The following MRTFB variants were observed in gnomAD, a reference collection of about 807,000 sequenced individuals.
The protein encoded by MRTFB is myocardin related transcription factor B.
Under a neutral mutation model 104.2 loss-of-function variants are expected in MRTFB, and 29 were observed. The observed-to-expected ratio is 0.28, with a 90% CI of 0.21 to 0.38. The LOEUF is 0.38. Among genes scored for constraint, MRTFB ranks in the 10% least tolerant of loss-of-function variants. MRTFB has a pLI of 1.00. For missense variants in MRTFB, 1,270 were observed against 1,341.6 expected (o/e 0.95, Z 0.83); for synonymous variants, 535 against 519.5 (o/e 1.03, Z -0.41).
the MRTFB span, among the ~76,000 whole-genome samples, chr16:14,041,925 T>G: frequency 6.6e-6 from 1 of 151,790 alleles, no homozygotes; most frequent in Admixed American, 6.6e-5. Flanking sequence ...AAACTCTGTC[T>G]CAAAAAAAAT....
the MRTFB span, among the ~76,000 whole-genome samples, chr16:14,026,858 A>G: frequency 7.0e-6 from 1 of 142,660 alleles, no homozygotes; most frequent in African/African-American, 2.6e-5. Context: ...AGCTACAACA[A>G]CACACGTATT....
At chr16:14,034,724 T>C in the MRTFB span, among the ~76,000 whole-genome samples, 2 of 152,228 alleles carry the variant, frequency 1.3e-5, no homozygotes, top group Non-Finnish European at 2.9e-5. Context: ...CCAGTATTAT[T>C]GGATTACGGC....
intron 2 of MRTFB, among the ~76,000 whole-genome samples, chr16:14,132,676 C>G (rs1052673116): frequency 5.9e-5 from 9 of 152,142 alleles, no homozygotes; most frequent in African/African-American, 1.2e-4. Context: ...TAAAAAGACC[C>G]AGGTTGCTGA....
At chr16:14,146,625 A>G (rs2038331957) in intron 3 of MRTFB, among the ~76,000 whole-genome samples, 1 of 152,236 alleles carries the variant, frequency 6.6e-6, no homozygotes, top group Non-Finnish European at 1.5e-5. Context: ...TTGCCTAGCC[A>G]TGGAACCCAG....
chr16:14,135,519 A>G (rs76459076), intron 2 of MRTFB, among the ~76,000 whole-genome samples: 6,479 of 152,282 alleles, frequency 0.043, 494 homozygotes, highest in African/African-American at 0.15. Context: ...AGACTGTACC[A>G]TCTAGGGTTG....
At chr16:14,230,766 G>T (rs1023838512) in intron 8 of MRTFB, among the ~76,000 whole-genome samples, 1 of 152,018 alleles carries the variant, frequency 6.6e-6, no homozygotes, top group Non-Finnish European at 1.5e-5. Context: ...CATTTGACCC[G>T]GCCATCCCAT....
chr16:14,248,911 C>A lies in MRTFB; in HGVS notation c.2248-15C>A. 1 of 1,601,934 alleles carries A rather than the reference C, an allele frequency of 6.2e-7. No homozygotes were observed. The highest frequency in any genetic ancestry group is 1.1e-5 in the South Asian group (1 of 88,830). ...CTGACAATTAAATTGATGTTTTTTT[C>A]AATTCACCTCCTAGACTTCACCACA... On this transcript the variant is annotated splice_polypyrimidine_tract_variant and intron_variant, in intron 12 of 16. Coordinates refer to ENST00000571589, the MANE Select transcript of MRTFB (RefSeq NM_001308142.2).
chr16:14,205,817 C>CG (rs1014711650), intron 3 of MRTFB, among the ~76,000 whole-genome samples: 3 of 152,148 alleles, frequency 2.0e-5, no homozygotes, highest in African/African-American at 7.2e-5. Context: ...ACTAAGAAGA[C>CG]GGAGGCTATG....
At chr16:14,170,128 G>C (rs2039374972) in intron 3 of MRTFB, 1 of 151,832 alleles carries the variant, frequency 6.6e-6, no homozygotes, top group Admixed American at 6.6e-5. Context: ...CTTTTCTCCT[G>C]TCACCCTTAC....
the MRTFB span, among the ~76,000 whole-genome samples, chr16:14,012,038 G>C: frequency 6.6e-6 from 1 of 152,082 alleles, no homozygotes; most frequent in African/African-American, 2.4e-5. Flanking sequence ...TCTGGTCTTA[G>C]GAAGAATTGG....
At chr16:14,236,641 G>A (rs1253393020) in intron 9 of MRTFB, among the ~76,000 whole-genome samples, 3 of 152,154 alleles carry the variant, frequency 2.0e-5, no homozygotes, top group Admixed American at 6.5e-5. Flanking sequence ...GAGCCATGAA[G>A]ATATCTATCT....
intron 3 of MRTFB, among the ~76,000 whole-genome samples, chr16:14,169,845 C>A (rs1157682255): frequency 6.6e-6 from 1 of 151,772 alleles, no homozygotes; most frequent in African/African-American, 2.4e-5. Flanking sequence ...GGAAATATAG[C>A]GAGACTCCAT....
intron 2 of MRTFB, among the ~76,000 whole-genome samples, chr16:14,114,437 C>T (rs1342110359): frequency 1.3e-5 from 2 of 152,266 alleles, no homozygotes; most frequent in Admixed American, 6.5e-5. Context: ...AATCTCAATT[C>T]CCACATTTAT....
rs1371677503 is a variant in MRTFB, at chr16:14,261,417, A to G, written c.3273A>G (p.Pro1091=). 3 of 1,607,462 alleles carry G rather than the reference A, an allele frequency of 1.9e-6. No homozygotes were observed. The highest frequency in any genetic ancestry group is 2.2e-5 in the South Asian group (2 of 90,732). Residue 1091 remains proline, a synonymous_variant, in exon 17 of 17, where the codon CCA becomes CCG. Coordinates refer to ENST00000571589, the MANE Select transcript of MRTFB (RefSeq NM_001308142.2). ...TGTTCTCTGCTGACTTTCTAGACCC[A>G]CAGGACCTACCGCTGCCATGGGACT... ...PSMFSADFLD[P]QDLPLPWD
chr16:14,232,562 G>C (rs2042312810), intron 8 of MRTFB, among the ~76,000 whole-genome samples: 1 of 152,124 alleles, frequency 6.6e-6, no homozygotes, highest in African/African-American at 2.4e-5. Context: ...TTCAAAGTAA[G>C]GTCCTTCATA....
At position 14,261,353 on chromosome 16, in the gene MRTFB, C is replaced by T. The variant is rs1328611112; in HGVS notation, c.3209C>T (p.Ser1070Phe). The change falls in exon 17 of 17, where the codon TCT (serine) becomes TTT (phenylalanine). Residue 1070 changes from serine (S) to phenylalanine (F), a missense_variant. By Grantham distance (155) the Ser-to-Phe change is radical (BLOSUM62 -2). Transcript: ENST00000571589. ...TTGGACATTACCATGCCCAACTCCT[C>T]TTCAGGACTCACTCCTCTCAGCACC... Reference protein sequence around the residue: ...EWLDITMPNSSSGLTPLSTTA... With the variant: ...EWLDITMPNSFSGLTPLSTTA... The T allele has an allele frequency of 6.2e-7, 1 of 1,614,070 alleles. No individual in the cohort carries two copies. The highest frequency in any genetic ancestry group is 1.3e-5 in the African/African-American group (1 of 74,932).
chr16:14,250,783 C>A (rs1289735103), intron 13 of MRTFB, among the ~76,000 whole-genome samples: 1 of 152,048 alleles, frequency 6.6e-6, no homozygotes, highest in Non-Finnish European at 1.5e-5. Context: ...GAAGGCCAGG[C>A]GCAGGACAGC....
At chr16:14,035,731 C>T in the MRTFB span, among the ~76,000 whole-genome samples, 2 of 151,774 alleles carry the variant, frequency 1.3e-5, no homozygotes, top group Non-Finnish European at 2.9e-5. Context: ...TAATTATTTC[C>T]ATATAATTCC....
the MRTFB span, among the ~76,000 whole-genome samples, chr16:13,998,506 C>T: frequency 3.3e-5 from 5 of 151,962 alleles, no homozygotes; most frequent in African/African-American, 9.7e-5. Context: ...ATTAGCTGGG[C>T]ATGAAGTTGC....
Sources: gnomAD v4.1 joint callset for allele counts (sites outside exome capture counted in the v4.1 genomes callset) on GRCh38, gnomAD v4.1.1 for gene constraint, MANE v1.5 for transcripts, NCBI Gene and HGNC (gene_info 2026-07-23, HGNC 2026-07-21) for gene names.